Variants in INSR observed in about 807,000 individuals in gnomAD.
The protein encoded by INSR is IR.
Under a neutral mutation model 142.6 loss-of-function variants are expected in INSR, and 67 were observed. The ratio of observed to expected loss-of-function variants is 0.47; its 90% CI spans 0.39 to 0.58. INSR has a LOEUF of 0.58. INSR is among the 20% of genes least tolerant of loss of function. The pLI is 0.00. For missense variants in INSR, 1,248 were observed against 1,833.2 expected, an observed-to-expected ratio of 0.68 and a Z score of 5.83; for synonymous variants, 756 against 743.1, an observed-to-expected ratio of 1.02 and a Z score of -0.28.
rs375415708 is a variant in INSR at position 7,216,510 on chromosome 19, C to T, written c.653-31873G>A. Among the ~76,000 whole-genome samples, 1 of 152,192 alleles carries T rather than the reference C, an allele frequency of 6.6e-6. No homozygotes were observed. Among genetic ancestry groups the T allele is most frequent in the South Asian group, 2.1e-4 (1 of 4,830 alleles). On this transcript the variant is annotated intron_variant, in intron 2 of 21. Coordinates refer to ENST00000302850, the MANE Select transcript of INSR (RefSeq NM_000208.4). This position sits in a 1 kb window ranked among gnomAD's most constrained non-coding sequence, Gnocchi z 4.2. Reference sequence around the variant, plus strand: ...CAGACATCCAGAGGGTAACAGGGAACCACGGGGGATGTCCCCGGGCTCTGG... The same window carrying T: ...CAGACATCCAGAGGGTAACAGGGAATCACGGGGGATGTCCCCGGGCTCTGG...
chr19:7,273,306 C>T (rs1967975795), intron 1 of INSR, among the ~76,000 whole-genome samples: 1 of 152,046 alleles, frequency 6.6e-6, no homozygotes, highest in East Asian at 1.9e-4. Flanking sequence ...GAGCAGTTTA[C>T]CACTGGGACA....
At chr19:7,233,825 G>A (rs1377326610) in intron 2 of INSR, among the ~76,000 whole-genome samples, 10 of 149,324 alleles carry the variant, frequency 6.7e-5, no homozygotes, top group East Asian at 2.0e-4. Context: ...ACAGGCGCCC[G>A]CCACCACACC....
intron 9 of INSR, among the ~76,000 whole-genome samples, chr19:7,161,256 T>C (rs1973741815): frequency 6.6e-6 from 1 of 151,306 alleles, no homozygotes; most frequent in Non-Finnish European, 1.5e-5. Context: ...TTTAATTTTG[T>C]ATAATTTTTT....
Position 7,165,795 on chromosome 19 carries a change from G to A in INSR, c.1861+359C>T, listed in dbSNP as rs1335263566. On this transcript the variant is annotated intron_variant, in intron 8 of 21. Transcript: ENST00000302850. Reference sequence around the variant, plus strand: ...GGAGAATTACTTGAACCTGGGAGGCGGAGGTTGCAGTGAGCCGAGATCATG... The same window carrying A: ...GGAGAATTACTTGAACCTGGGAGGCAGAGGTTGCAGTGAGCCGAGATCATG... Among the ~76,000 whole-genome samples the A allele has an allele frequency of 3.3e-5, 5 of 151,686 alleles. No homozygotes were observed. In the East Asian group the frequency reaches 5.8e-4, roughly 18 times the overall value.
At chr19:7,143,378 G>T (rs1390643820) in intron 11 of INSR, among the ~76,000 whole-genome samples, 1 of 152,096 alleles carries the variant, frequency 6.6e-6, no homozygotes, top group East Asian at 1.9e-4. Flanking sequence ...CGACATGCTC[G>T]ATTTCAGGTT....
At chr19:7,175,956 G>T (rs1260383529) in intron 3 of INSR, among the ~76,000 whole-genome samples, 1 of 152,076 alleles carries the variant, frequency 6.6e-6, no homozygotes, top group Non-Finnish European at 1.5e-5. Flanking sequence ...ATGGTTGCAG[G>T]TCCTCTTGCT....
chr19:7,260,629 T>C (rs1217554156), intron 2 of INSR, among the ~76,000 whole-genome samples: 1 of 152,094 alleles, frequency 6.6e-6, no homozygotes, highest in Non-Finnish European at 1.5e-5. Context: ...ACCTGGAAGC[T>C]AGTCTGCCCA....
Position 7,166,765 on chromosome 19 carries a change from C to CA in INSR, c.1611-362dup, listed in dbSNP as rs1973900480. The stretch of plus-strand genomic sequence containing the variant: ...TGAAACCCCGTCTCTACTAAAAATA[C>CA]AAAAATTATCTGGGCATGGTGGCAG... On this transcript the variant is annotated intron_variant, in intron 7 of 21. Transcript: ENST00000302850. This position sits in a 1 kb window ranked among gnomAD's most constrained non-coding sequence, Gnocchi z 4.1. Among the ~76,000 whole-genome samples, 1 of 151,918 alleles carries CA rather than the reference C, an allele frequency of 6.6e-6. No individual in the cohort carries two copies. The highest frequency in any genetic ancestry group is 2.4e-5 in the African/African-American group (1 of 41,338).
At chr19:7,232,543 G>A (rs1050734435) in intron 2 of INSR, among the ~76,000 whole-genome samples, 8 of 152,334 alleles carry the variant, frequency 5.3e-5, no homozygotes, top group African/African-American at 9.6e-5. Context: ...GCCGGGCCCA[G>A]TGGCTCGCAC....
At chr19:7,268,611 A>G in intron 1 of INSR, 4 of 985,152 alleles carry the variant, frequency 4.1e-6, no homozygotes, top group Non-Finnish European at 4.8e-6. Context: ...GCACAACTCC[A>G]AGACTCCTAT....
chr19:7,174,767 G>A (rs769943820), intron 3 of INSR, 36 bp from the exon 4 acceptor site: 1 of 1,603,902 alleles, frequency 6.2e-7, no homozygotes, highest in Admixed American at 1.7e-5. Flanking sequence ...AAAGAGAAAG[G>A]GGAGGGGGGT....
chr19:7,201,910 C>T (rs1974969786), intron 2 of INSR, among the ~76,000 whole-genome samples: 2 of 152,078 alleles, frequency 1.3e-5, no homozygotes, highest in Admixed American at 1.3e-4. Context: ...ATCCACCCGC[C>T]TCGGCCTCCC....
rs538687091 is a variant in INSR, at chr19:7,294,323, G to A, written c.-432C>T. On this transcript the variant is annotated 5_prime_UTR_variant, in exon 1 of 22. Transcript: ENST00000302850. ...GCACCTGGGCTGGCGGGTGGCGGGCGGGCGGCGGGAGAGAGGGCTGCTCGG... is the reference window on the plus strand; with the variant it reads ...GCACCTGGGCTGGCGGGTGGCGGGCAGGCGGCGGGAGAGAGGGCTGCTCGG... Among the ~76,000 whole-genome samples, 16 of 151,398 alleles carry A rather than the reference G, an allele frequency of 1.1e-4. No individual in the cohort carries two copies. Among genetic ancestry groups the A allele is most frequent in the Admixed American group, 4.6e-4 (7 of 15,226 alleles).
At position 7,225,400 on chromosome 19, in the gene INSR, C is replaced by T. The variant is rs1286264093; in HGVS notation, c.653-40763G>A. On this transcript the variant is annotated intron_variant, in intron 2 of 21. Coordinates refer to ENST00000302850, the MANE Select transcript of INSR (RefSeq NM_000208.4). This position sits in a 1 kb window ranked among gnomAD's most constrained non-coding sequence, Gnocchi z 4.7. ...GCCTGACCCGCCACCCCCGCCCCACCACCAAGCCAAAATGCTTGAGTGACA... is the reference window on the plus strand; with the variant it reads ...GCCTGACCCGCCACCCCCGCCCCACTACCAAGCCAAAATGCTTGAGTGACA... Among the ~76,000 whole-genome samples, 4 of 152,044 alleles carry T rather than the reference C, an allele frequency of 2.6e-5. No individual in the cohort carries two copies. Among genetic ancestry groups the T allele is most frequent in the Non-Finnish European group, 5.9e-5 (4 of 68,008 alleles).
At chr19:7,171,875 TA>T (rs1476729885) in intron 5 of INSR, among the ~76,000 whole-genome samples, 5 of 152,128 alleles carry the variant, frequency 3.3e-5, no homozygotes, top group African/African-American at 1.2e-4. Context: ...TATTTGTTTT[TA>T]TTTGATTTTT....
At chr19:7,190,331 A>G (rs1339193453) in intron 2 of INSR, among the ~76,000 whole-genome samples, 2 of 149,812 alleles carry the variant, frequency 1.3e-5, no homozygotes, top group African/African-American at 2.5e-5. Context: ...TCCCTCACTA[A>G]TGGGTTAAAT....
chr19:7,287,681 A>G (rs1968378611), intron 1 of INSR, among the ~76,000 whole-genome samples: 1 of 152,144 alleles, frequency 6.6e-6, no homozygotes, highest in Non-Finnish European at 1.5e-5. Flanking sequence ...CAGTGCAGCA[A>G]ATGACACACG....
chr19:7,240,485 T>C (rs1976305503), intron 2 of INSR, among the ~76,000 whole-genome samples: 1 of 152,114 alleles, frequency 6.6e-6, no homozygotes, highest in Non-Finnish European at 1.5e-5. Flanking sequence ...GAGAGCAGAA[T>C]TGCTTGAGGC....
At chr19:7,207,064 A>T (rs1301147398) in intron 2 of INSR, among the ~76,000 whole-genome samples, 1 of 152,136 alleles carries the variant, frequency 6.6e-6, no homozygotes, top group Non-Finnish European at 1.5e-5. Context: ...GTGATTATAG[A>T]ATGCCGAGAA....
Sources: allele counts gnomAD v4.1 joint callset (sites outside exome capture counted in the v4.1 genomes callset), GRCh38; gene constraint gnomAD v4.1.1; non-coding constraint Gnocchi (gnomAD v3.1); transcripts MANE v1.5; gene names NCBI Gene and HGNC (gene_info 2026-07-23, HGNC 2026-07-21).